MAP7D3: variants seen among roughly 807,000 people sequenced by gnomAD.
MAP7D3 encodes the protein MAP7 domain-containing protein 3.
In MAP7D3, 45 loss-of-function variants were observed where a neutral mutation model predicts 62.2. The observed-to-expected ratio is 0.72, with a 90% CI of 0.57 to 0.93. The LOEUF is 0.93. Among genes scored for constraint, MAP7D3 ranks in the 40% least tolerant of loss-of-function variants. The probability of loss-of-function intolerance (pLI) is 0.00; values close to 1 mark genes in which losing one functional copy is unlikely to be tolerated. For missense variants in MAP7D3, 711 were observed against 683.1 expected, an observed-to-expected ratio of 1.04 and a Z score of -0.45; for synonymous variants, 288 against 248.8, an observed-to-expected ratio of 1.16 and a Z score of -1.48.
rs1230763555 is a variant in MAP7D3, at chrX:136,217,812, G to A, written c.*714C>T. 1 of 111,369 alleles carries A rather than the reference G, an allele frequency of 9.0e-6. No individual in the cohort carries two copies. The highest frequency in any genetic ancestry group is 2.8e-4 in the East Asian group (1 of 3,571). The allele number at this position is 111,369 out of a possible 1,213,427, so 9.2% of individuals were successfully genotyped here. On this transcript the variant is annotated 3_prime_UTR_variant, in exon 19 of 19. Coordinates refer to ENST00000316077, the MANE Select transcript of MAP7D3 (RefSeq NM_024597.4). Reference sequence around the variant, plus strand: ...CTCACACCTGTAATCCCAACACTTTGGGAGGCCAAGACGGGTGGATCTCTT... The same window carrying A: ...CTCACACCTGTAATCCCAACACTTTAGGAGGCCAAGACGGGTGGATCTCTT...
chrX:136,221,225 G>A (rs2074124024), intron 15 of MAP7D3, among the ~76,000 whole-genome samples: 1 of 112,101 alleles, frequency 8.9e-6, no homozygotes, highest in Non-Finnish European at 1.9e-5. Context: ...TTTTTCCTTT[G>A]CTAGGAAAGA....
In MAP7D3 at chrX:136,230,985, T is replaced by C; in HGVS notation, c.1414-19A>G. 1 of 1,127,315 alleles carries C rather than the reference T, an allele frequency of 8.9e-7. No individual in the cohort carries two copies. Among genetic ancestry groups the C allele is most frequent in the Non-Finnish European group, 1.2e-6 (1 of 847,219 alleles). The allele number at this position is 1,127,315 out of a possible 1,213,427, so 92.9% of individuals were successfully genotyped here. On this transcript the variant is annotated intron_variant, in intron 8 of 18. Transcript: ENST00000316077. ...CTGATTTCTGAACAGATAAACACAG[T>C]ATGGTAAATTACTAACAAACAATTC...
At chrX:136,229,006 T>C in intron 10 of MAP7D3, 1 of 196,423 alleles carries the variant, frequency 5.1e-6, no homozygotes, top group Non-Finnish European at 9.3e-6. Context: ...ACTTCTACTT[T>C]CGTTTTAGTG....
chrX:136,221,576 C>T (rs1020172962), intron 15 of MAP7D3, among the ~76,000 whole-genome samples: 18 of 112,457 alleles, frequency 1.6e-4, no homozygotes, highest in African/African-American at 5.5e-4. Flanking sequence ...CCGCCCACCT[C>T]GGCCTCCCAA....
rs1398432371 is a variant in MAP7D3, at chrX:136,251,232, G to GT, written c.70+56_70+57insA. The GT allele has an allele frequency of 3.9e-6, 4 of 1,024,881 alleles. No individual in the cohort carries two copies. The African/African-American group carries it at 7.9e-5, about 20-fold the overall frequency. The allele number at this position is 1,024,881 out of a possible 1,213,427, so 84.5% of individuals were successfully genotyped here. A position where few individuals can be genotyped will look rare whatever the true frequency, so the allele number is the denominator to read the frequency against. Reference sequence around the variant, plus strand: ...CCGCTCCGACGGCCCGGGGACTGCGGGAACCCTGCCTCCCACGCGGGCCCG... The same window carrying GT: ...CCGCTCCGACGGCCCGGGGACTGCGGTGAACCCTGCCTCCCACGCGGGCCCG... On this transcript the variant is annotated intron_variant, in intron 1 of 18. Coordinates refer to ENST00000316077, the MANE Select transcript of MAP7D3 (RefSeq NM_024597.4).
chrX:136,246,410 C>T (rs1289572098), intron 1 of MAP7D3, 69 bp from the exon 2 acceptor site: 2 of 649,871 alleles, frequency 3.1e-6, no homozygotes, highest in Non-Finnish European at 4.9e-6. Context: ...GTCAGCAAAC[C>T]ACGGCCAATT....
intron 11 of MAP7D3, 52 bp downstream of exon 11, chrX:136,228,571 A>C: frequency 8.9e-7 from 1 of 1,123,838 alleles, no homozygotes; most frequent in Middle Eastern, 2.5e-4. Flanking sequence ...ACTTTCAAAA[A>C]TTTGGGCCCC....
intron 16 of MAP7D3, 117 bp downstream of exon 16, chrX:136,220,648 T>C: frequency 1.6e-6 from 1 of 607,046 alleles, no homozygotes; most frequent in Non-Finnish European, 2.7e-6. Flanking sequence ...AAGTCAAATA[T>C]GTGACATGGT....
At chrX:136,252,676 C>CAA (rs770751343), upstream of MAP7D3, among the ~76,000 whole-genome samples, 117 of 35,978 alleles carry the variant, frequency 3.3e-3, no homozygotes, top group African/African-American at 3.7e-3. Context: ...GACTCTGTCT[C>CAA]AAAAAAAAAA....
At position 136,218,128 on chromosome X, in the gene MAP7D3, G is replaced by C. The variant is rs777231463; in HGVS notation, c.*398C>G. 1 of 111,453 alleles carries C rather than the reference G, an allele frequency of 9.0e-6. No individual in the cohort carries two copies. The highest frequency in any genetic ancestry group is 3.2e-5 in the African/African-American group (1 of 30,771). The allele number at this position is 111,453 out of a possible 1,213,427, so 9.2% of individuals were successfully genotyped here. A position where few individuals can be genotyped will look rare whatever the true frequency, so the allele number is the denominator to read the frequency against. ...TCAAATATATACTGAAAGAGAATTA[G>C]TTCTGCAATCAGATTCTTCTAGAAA... On this transcript the variant is annotated 3_prime_UTR_variant, in exon 19 of 19. Transcript: ENST00000316077.
In MAP7D3 at chrX:136,228,691, C is replaced by T; in HGVS notation, c.1818G>A (p.Leu606=). The T allele has an allele frequency of 8.3e-7, 1 of 1,205,850 alleles. No homozygotes were observed. The highest frequency in any genetic ancestry group is 1.7e-5 in the African/African-American group (1 of 57,609). ...CTCTTTGTTCACGAGCAAGGCGGCG[C>T]AATTCTGTCAAAATTTTTGTTGCCG... ...AEAATKILTE[L]RRLAREQREK... is the part of the protein sequence containing the mutation. The change falls in exon 11 of 19, where the codon TTG becomes TTA. Residue 606 remains leucine, a synonymous_variant. Transcript: ENST00000316077.
In MAP7D3 at chrX:136,219,611, G is replaced by C; in HGVS notation, c.2547C>G (p.Asn849Lys). The change falls in exon 17 of 19, where the codon AAC becomes AAG. Residue 849 changes from asparagine (N) to lysine (K), a missense_variant. Asn to Lys is a moderately conservative substitution (Grantham distance 94). Coordinates refer to ENST00000316077, the MANE Select transcript of MAP7D3 (RefSeq NM_024597.4). ...TACTAACAGAGGATCTGCTGGTGGT[G>C]TTGGTTTCATCCGCCTTTCTGGTTT... is the stretch of plus-strand genomic sequence containing the variant. ...TTKTRKADET[N>K]TTSRSSAQTK... 8.3e-7 allele frequency: 1 copy of C among 1,205,483 alleles called. No individual in the cohort carries two copies. The highest frequency in any genetic ancestry group is 1.1e-6 in the Non-Finnish European group (1 of 889,688).
intron 6 of MAP7D3, among the ~76,000 whole-genome samples, chrX:136,239,650 C>A (rs2074366281): frequency 8.9e-6 from 1 of 111,938 alleles, no homozygotes; most frequent in Non-Finnish European, 1.9e-5. Context: ...GCAGATCAAC[C>A]TGTCCACTGC....
chrX:136,235,828 A>C (rs2074324210), intron 7 of MAP7D3, among the ~76,000 whole-genome samples: 1 of 112,879 alleles, frequency 8.9e-6, no homozygotes, highest in South Asian at 3.7e-4. Flanking sequence ...AATTCTGTGA[A>C]TAATCAGCAG....
chrX:136,222,295 C>G lies in MAP7D3; in HGVS notation c.2287+98G>C, dbSNP rs2074138687. The G allele has an allele frequency of 6.8e-6, 4 of 591,224 alleles. No individual in the cohort carries two copies. In the Admixed American group the frequency reaches 1.2e-4, roughly 18 times the overall value. The allele number at this position is 591,224 out of a possible 1,213,427, so 48.7% of individuals were successfully genotyped here. A position where few individuals can be genotyped will look rare whatever the true frequency, so the allele number is the denominator to read the frequency against. Reference sequence around the variant, plus strand: ...TTTTTCAGATGGGAAAAACTCAGCACAGAAAGGTTAAGTGACCTGCCCAAA... The same window carrying G: ...TTTTTCAGATGGGAAAAACTCAGCAGAGAAAGGTTAAGTGACCTGCCCAAA... On this transcript the variant is annotated intron_variant, in intron 15 of 18. Coordinates refer to ENST00000316077, the MANE Select transcript of MAP7D3 (RefSeq NM_024597.4).
At chrX:136,240,554 AAT>A in intron 5 of MAP7D3, 68 bp from the exon 6 acceptor site, 2 of 759,878 alleles carry the variant, frequency 2.6e-6, no homozygotes, top group Non-Finnish European at 4.1e-6. Flanking sequence ...CTGAAAAAAA[AAT>A]GAGTTTTCAT....
chrX:136,255,742 C>G (rs935538712), upstream of MAP7D3, among the ~76,000 whole-genome samples: 1 of 110,911 alleles, frequency 9.0e-6, no homozygotes. Flanking sequence ...CGGCTCCTCT[C>G]CTCTCCTCTC....
chrX:136,225,175 A>G (rs1300098670), intron 13 of MAP7D3, among the ~76,000 whole-genome samples: 2 of 112,777 alleles, frequency 1.8e-5, no homozygotes, highest in Admixed American at 9.4e-5. Flanking sequence ...GACTAAGCAT[A>G]TATTATTGCG....
At chrX:136,241,404 A>C in intron 4 of MAP7D3, 127 bp from the exon 5 acceptor site, 1 of 373,458 alleles carries the variant, frequency 2.7e-6, no homozygotes, top group Non-Finnish European at 4.6e-6. Flanking sequence ...AATTGGAGAT[A>C]TGTCTCAGCT....
Sources: allele counts gnomAD v4.1 joint callset (sites outside exome capture counted in the v4.1 genomes callset), GRCh38; gene constraint gnomAD v4.1.1; transcripts MANE v1.5; gene names NCBI Gene and HGNC (gene_info 2026-07-23, HGNC 2026-07-21).